LINGO1: variants seen among roughly 807,000 people sequenced by gnomAD.
LINGO1 encodes leucine rich repeat and Ig domain containing 1.
In LINGO1, 11 loss-of-function variants were observed where a neutral mutation model predicts 37.3. The ratio of observed to expected loss-of-function variants is 0.29; its 90% CI spans 0.19 to 0.49. The LOEUF (loss-of-function observed/expected upper bound fraction) is 0.49, where lower values mean the gene tolerates loss of function less well. LINGO1 is among the 20% of genes least tolerant of loss of function. The probability of loss-of-function intolerance (pLI) is 0.99; values close to 1 mark genes in which losing one functional copy is unlikely to be tolerated. For missense variants in LINGO1, 585 were observed against 878.2 expected (o/e 0.67, Z 4.22); for synonymous variants, 387 against 403.0 (o/e 0.96, Z 0.48).
At position 77,743,227 on chromosome 15, in the gene LINGO1, T is replaced by A. The variant is rs113274655; in HGVS notation, c.-256-8174A>T. ...GCAGCACCTTTCCCTCCTCCCTCCA[T>A]CCACCTATGCCCACCTCCAGCACAC... On this transcript the variant is annotated intron_variant, in intron 1 of 3. Coordinates refer to the LINGO1 transcript ENST00000561686. Among the ~76,000 whole-genome samples the A allele has an allele frequency of 6.9e-4, 105 of 152,166 alleles. 1 individual carries two copies. The highest frequency in any genetic ancestry group is 2.5e-3 in the African/African-American group (102 of 41,512).
chr15:77,808,954 C>A (rs1198219227), intron 1 of LINGO1, among the ~76,000 whole-genome samples: 1 of 152,202 alleles, frequency 6.6e-6, no homozygotes, highest in Non-Finnish European at 1.5e-5. Flanking sequence ...ATGCAGTCAC[C>A]CAACAAATGC....
chr15:77,731,538 A>G (rs1212747623), intron 2 of LINGO1, among the ~76,000 whole-genome samples: 1 of 152,094 alleles, frequency 6.6e-6, no homozygotes, highest in Non-Finnish European at 1.5e-5. Flanking sequence ...CATTTTTCAT[A>G]GGGAAACAGG....
rs761919307 is a variant in LINGO1, at chr15:77,615,616, C to G, written c.291G>C (p.Leu97=). The change falls in exon 2 of 2, where the codon CTG becomes CTC. Residue 97 remains leucine, a synonymous_variant. Coordinates refer to ENST00000355300, the MANE Select transcript of LINGO1 (RefSeq NM_032808.7). ...NQDEFASFPH[L]EELELNENIV... is the part of the protein sequence containing the mutation. ...TGTTCTCGTTGAGCTCCAGCTCCTC[C>G]AGGTGCGGGAAGCTGGCGAACTCGT... 1.2e-6 allele frequency: 2 copies of G among 1,611,802 alleles called. No individual in the cohort carries two copies. The highest frequency in any genetic ancestry group is 4.5e-5 in the East Asian group (2 of 44,718).
In LINGO1 at chr15:77,681,458, G is replaced by A. The variant is rs575466670; in HGVS notation, c.-98-4284C>T. On this transcript the variant is annotated intron_variant, in intron 2 of 3. Transcript: ENST00000559893. ...AAGTCCAACTGAGCATCTCACTCAG[G>A]GAGGAAGGGGTTGTAGGTTTCGACT... 3.3e-5 allele frequency among the ~76,000 whole-genome samples: 5 copies of A among 152,238 alleles called. No individual in the cohort carries two copies. In the South Asian group the frequency reaches 1.0e-3, roughly 32 times the overall value.
chr15:77,721,497 G>T lies in LINGO1; in HGVS notation c.-195+13495C>A, dbSNP rs554709940. The stretch of plus-strand genomic sequence containing the variant: ...CAGCACCCCACATCTGCCCCTTGGT[G>T]GTAGATACACCGCAGCTTCACGACA... On this transcript the variant is annotated intron_variant, in intron 2 of 3. Transcript: ENST00000561686. Among the ~76,000 whole-genome samples the T allele has an allele frequency of 2.6e-5, 4 of 152,304 alleles. No individual in the cohort carries two copies. In the East Asian group the frequency reaches 7.7e-4, roughly 29 times the overall value.
intron 1 of LINGO1, among the ~76,000 whole-genome samples, chr15:77,618,130 T>C (rs976914329): frequency 4.6e-5 from 7 of 152,118 alleles, no homozygotes; most frequent in Admixed American, 2.0e-4. Context: ...AATAGGTAAA[T>C]AGGACTTTTA....
chr15:77,701,657 T>C (rs1267689971), intron 2 of LINGO1, among the ~76,000 whole-genome samples: 1 of 152,150 alleles, frequency 6.6e-6, no homozygotes, highest in Non-Finnish European at 1.5e-5. Flanking sequence ...TCTCACTCTA[T>C]TAGTTCCCAT....
chr15:77,801,462 C>T (rs1322548428), intron 1 of LINGO1, among the ~76,000 whole-genome samples: 1 of 152,212 alleles, frequency 6.6e-6, no homozygotes, highest in Admixed American at 6.5e-5. Flanking sequence ...GGCTGGAGGA[C>T]AGCACGCCAA....
At chr15:77,625,920 G>C (rs544021249) in intron 1 of LINGO1, among the ~76,000 whole-genome samples, 1 of 152,276 alleles carries the variant, frequency 6.6e-6, no homozygotes, top group East Asian at 1.9e-4. Context: ...GGAAGGGAAG[G>C]GACATTTATA....
intron 2 of LINGO1, among the ~76,000 whole-genome samples, chr15:77,730,739 T>C (rs2076146798): frequency 6.6e-6 from 1 of 152,226 alleles, no homozygotes; most frequent in African/African-American, 2.4e-5. Flanking sequence ...TGGGGCCCTC[T>C]TGAGCCTCAG....
At position 77,632,067 on chromosome 15, in the gene LINGO1, A is replaced by T. The variant is rs558001179; in HGVS notation, c.6+243T>A. ...GGGACACCCGTGGGGGCCCCTCCCC[A>T]GCTCCAGGCTCCCAGCTTACAAACC... On this transcript the variant is annotated intron_variant, in intron 1 of 1. Coordinates refer to ENST00000355300, the MANE Select transcript of LINGO1 (RefSeq NM_032808.7). This position sits in a 1 kb window ranked among gnomAD's most constrained non-coding sequence, Gnocchi z 6.0. Among the ~76,000 whole-genome samples, 58 of 152,348 alleles carry T rather than the reference A, an allele frequency of 3.8e-4. No individual in the cohort carries two copies. The highest frequency in any genetic ancestry group is 1.6e-3 in the Admixed American group (25 of 15,312).
chr15:77,704,756 T>C (rs769282171), intron 2 of LINGO1, among the ~76,000 whole-genome samples: 4 of 152,102 alleles, frequency 2.6e-5, no homozygotes, highest in Non-Finnish European at 5.9e-5. Context: ...CTTGACACAT[T>C]AAGCAATGGT....
chr15:77,622,423 G>A (rs1432604991), intron 1 of LINGO1, among the ~76,000 whole-genome samples: 1 of 152,174 alleles, frequency 6.6e-6, no homozygotes, highest in African/African-American at 2.4e-5. Flanking sequence ...CCTGGGGCCT[G>A]TTAACACAGC....
chr15:77,634,186 T>C (rs1386887932), upstream of LINGO1: 1 of 453,462 alleles, frequency 2.2e-6, no homozygotes, highest in African/African-American at 2.0e-5. Context: ...CAGAGATGCC[T>C]GGTTGCCACG....
chr15:77,631,975 T>C (rs2074267980), intron 1 of LINGO1, among the ~76,000 whole-genome samples: 1 of 151,948 alleles, frequency 6.6e-6, no homozygotes, highest in South Asian at 2.1e-4. Context: ...AGCAGGGGGC[T>C]TACCCTCTAG....
chr15:77,699,772 C>CACCTGCATACAGT (rs1482949650), upstream of LINGO1, among the ~76,000 whole-genome samples: 12 of 150,340 alleles, frequency 8.0e-5, no homozygotes, highest in Non-Finnish European at 1.0e-4. Flanking sequence ...TACTAACCAT[C>CACCTGCATACAGT]ATTCCCCCCC....
At chr15:77,625,401 T>C (rs2074057507) in intron 1 of LINGO1, among the ~76,000 whole-genome samples, 1 of 152,170 alleles carries the variant, frequency 6.6e-6, no homozygotes, top group Non-Finnish European at 1.5e-5. Flanking sequence ...CTATCCCCAT[T>C]TTGCAGATGG....
intron 2 of LINGO1, among the ~76,000 whole-genome samples, chr15:77,721,875 A>G (rs577671623): frequency 6.6e-6 from 1 of 151,998 alleles, no homozygotes; most frequent in South Asian, 2.1e-4. Context: ...CTGCCCCCTA[A>G]TTATGCCCCT....
intron 1 of LINGO1, among the ~76,000 whole-genome samples, chr15:77,770,964 T>C (rs1275248360): frequency 1.3e-5 from 2 of 152,152 alleles, no homozygotes; most frequent in African/African-American, 4.8e-5. Context: ...CTGTGACCCT[T>C]CTCGGGGCTC....
Sources: allele counts gnomAD v4.1 joint callset (sites outside exome capture counted in the v4.1 genomes callset), GRCh38; gene constraint gnomAD v4.1.1; non-coding constraint Gnocchi (gnomAD v3.1); transcripts MANE v1.5; gene names NCBI Gene and HGNC (gene_info 2026-07-23, HGNC 2026-07-21).